SLC9A9: variants seen among roughly 807,000 people sequenced by gnomAD.
SLC9A9 encodes the protein sodium/hydrogen exchanger 9.
SLC9A9 carries 62 observed loss-of-function variants against 77.8 expected under a neutral mutation model. The ratio of observed to expected loss-of-function variants is 0.80; its 90% CI spans 0.65 to 0.98. SLC9A9 has a LOEUF of 0.98. Among genes scored for constraint, SLC9A9 ranks in the 50% least tolerant of loss-of-function variants. The pLI, the probability that SLC9A9 is intolerant of heterozygous loss-of-function variation, is 0.00. For missense variants in SLC9A9, 775 were observed against 774.9 expected (o/e 1.00, Z 0.00); for synonymous variants, 320 against 283.5 (o/e 1.13, Z -1.29).
chr3:143,412,247 G>C (rs2034109087), intron 12 of SLC9A9, among the ~76,000 whole-genome samples: 1 of 152,080 alleles, frequency 6.6e-6, no homozygotes, highest in African/African-American at 2.4e-5. Flanking sequence ...CTCCCTGACA[G>C]GTCCTCTGGA....
At chr3:143,694,874 C>T (rs1164030865) in intron 4 of SLC9A9, among the ~76,000 whole-genome samples, 1 of 152,180 alleles carries the variant, frequency 6.6e-6, no homozygotes, top group Admixed American at 6.6e-5. Flanking sequence ...ATTCTACCCT[C>T]TGAATTGAAC....
chr3:143,710,455 G>A (rs376998095), intron 4 of SLC9A9, among the ~76,000 whole-genome samples: 40 of 152,156 alleles, frequency 2.6e-4, no homozygotes, highest in African/African-American at 8.7e-4. Flanking sequence ...GGGTTTAGAG[G>A]CTTATTCACA....
At chr3:143,694,678 T>A (rs1471971763) in intron 4 of SLC9A9, among the ~76,000 whole-genome samples, 1 of 152,168 alleles carries the variant, frequency 6.6e-6, no homozygotes, top group African/African-American at 2.4e-5. Flanking sequence ...GAAGCCCAGA[T>A]GTGAATTGAG....
chr3:143,753,334 C>T (rs1359171435), intron 4 of SLC9A9, among the ~76,000 whole-genome samples: 2 of 152,190 alleles, frequency 1.3e-5, no homozygotes, highest in African/African-American at 4.8e-5. Flanking sequence ...AGAGGACTAG[C>T]TGGACTTTGC....
At chr3:143,366,231 C>G (rs2032898121) in intron 13 of SLC9A9, among the ~76,000 whole-genome samples, 1 of 152,182 alleles carries the variant, frequency 6.6e-6, no homozygotes, top group Non-Finnish European at 1.5e-5. Context: ...AACTCCCAGG[C>G]AGAATGCTAG....
chr3:143,489,309 C>T (rs896552581), intron 11 of SLC9A9, among the ~76,000 whole-genome samples: 3 of 151,868 alleles, frequency 2.0e-5, no homozygotes, highest in African/African-American at 7.2e-5. Context: ...GTTAATACAA[C>T]CCAAAGTAAT....
chr3:143,447,104 A>G (rs188196991), intron 12 of SLC9A9, among the ~76,000 whole-genome samples: 44 of 152,330 alleles, frequency 2.9e-4, no homozygotes, highest in African/African-American at 1.0e-3. Context: ...TTGCAAATAT[A>G]CTTGGAGGAA....
chr3:143,572,983 C>T (rs767278246), intron 8 of SLC9A9, among the ~76,000 whole-genome samples: 3 of 152,068 alleles, frequency 2.0e-5, no homozygotes, highest in Non-Finnish European at 4.4e-5. Context: ...GGTAGAAATG[C>T]GTGGTCCCCC....
chr3:143,636,591 T>C (rs2038524817), intron 6 of SLC9A9, among the ~76,000 whole-genome samples: 1 of 152,204 alleles, frequency 6.6e-6, no homozygotes, highest in Non-Finnish European at 1.5e-5. Context: ...ACATTGTACC[T>C]AATAGGTAAT....
intron 6 of SLC9A9, among the ~76,000 whole-genome samples, chr3:143,619,858 C>A (rs1164585094): frequency 6.6e-6 from 1 of 152,212 alleles, no homozygotes; most frequent in East Asian, 1.9e-4. Context: ...TTACAGTTTA[C>A]AAAGAGCCCA....
chr3:143,692,358 T>C (rs1383981084), intron 5 of SLC9A9, among the ~76,000 whole-genome samples: 1 of 152,108 alleles, frequency 6.6e-6, no homozygotes, highest in Non-Finnish European at 1.5e-5. Flanking sequence ...TTTTGGACAA[T>C]ATTAAAGAAT....
intron 12 of SLC9A9, among the ~76,000 whole-genome samples, chr3:143,421,581 C>G (rs779942316): frequency 6.6e-6 from 1 of 152,106 alleles, no homozygotes; most frequent in Non-Finnish European, 1.5e-5. Flanking sequence ...GTTTTCACTA[C>G]AAAAATTAAT....
intron 9 of SLC9A9, among the ~76,000 whole-genome samples, chr3:143,501,940 C>T (rs192295302): frequency 4.7e-5 from 7 of 150,530 alleles, no homozygotes; most frequent in Non-Finnish European, 7.4e-5. Context: ...GAGTCTGGCC[C>T]GAAGGAGTAC....
At chr3:143,272,112 A>G (rs75566722) in intron 14 of SLC9A9, among the ~76,000 whole-genome samples, 2,474 of 152,294 alleles carry the variant, frequency 0.016, 62 homozygotes, top group African/African-American at 0.057. Flanking sequence ...GGCCTGAGTT[A>G]TCAGGTGGAG....
intron 4 of SLC9A9, among the ~76,000 whole-genome samples, chr3:143,787,754 T>C (rs1650441749): frequency 6.6e-6 from 1 of 152,128 alleles, no homozygotes; most frequent in African/African-American, 2.4e-5. Context: ...TCCTTATACA[T>C]GTCTCCTTAG....
At chr3:143,825,240 ACT>A (rs2009268883) in intron 2 of SLC9A9, among the ~76,000 whole-genome samples, 1 of 151,816 alleles carries the variant, frequency 6.6e-6, no homozygotes, top group African/African-American at 2.4e-5. Flanking sequence ...TGGCCCAATG[ACT>A]CTCTCTGCTC....
intron 14 of SLC9A9, among the ~76,000 whole-genome samples, chr3:143,361,571 T>C (rs184214605): frequency 1.5e-3 from 234 of 152,330 alleles, no homozygotes; most frequent in African/African-American, 5.4e-3. Flanking sequence ...ATTCAGAGCA[T>C]AGCTAAGATA....
intron 14 of SLC9A9, among the ~76,000 whole-genome samples, chr3:143,303,824 C>T (rs994034064): frequency 3.3e-5 from 5 of 152,100 alleles, no homozygotes; most frequent in African/African-American, 4.8e-5. Context: ...TTGACTCCTC[C>T]CAAAAGCCAA....
rs538080825 is a variant in SLC9A9 at position 143,842,156 on chromosome 3, A to G, written c.175+5992T>C. ...AGCACTTTGGGAGGCTGAGGCAGGCAGATCACGAGGTCAGGAGATCAAGAC... is the reference window on the plus strand; with the variant it reads ...AGCACTTTGGGAGGCTGAGGCAGGCGGATCACGAGGTCAGGAGATCAAGAC... On this transcript the variant is annotated intron_variant, in intron 1 of 15. Coordinates refer to ENST00000316549, the MANE Select transcript of SLC9A9 (RefSeq NM_173653.4). Among the ~76,000 whole-genome samples the G allele has an allele frequency of 7.9e-5, 12 of 152,202 alleles. No homozygotes were observed. The South Asian group carries it at 2.5e-3, about 32-fold the overall frequency.
Sources: allele counts gnomAD v4.1 joint callset (sites outside exome capture counted in the v4.1 genomes callset), GRCh38; gene constraint gnomAD v4.1.1; transcripts MANE v1.5; gene names NCBI Gene and HGNC (gene_info 2026-07-23, HGNC 2026-07-21).